The following BRIP1 variants were observed in gnomAD, a reference collection of about 807,000 sequenced individuals.
BRIP1 encodes Fanconi anemia group J protein.
Under a neutral mutation model 119.7 loss-of-function variants are expected in BRIP1, and 88 were observed. The observed-to-expected ratio is 0.74, with a 90% confidence interval of 0.62 to 0.88. BRIP1 has a LOEUF of 0.88. BRIP1 is among the 40% of genes least tolerant of loss of function. BRIP1 has a pLI of 0.00. For missense variants in BRIP1, 1,259 were observed against 1,455.4 expected, an observed-to-expected ratio of 0.87 and a Z score of 2.20; for synonymous variants, 443 against 496.5, an observed-to-expected ratio of 0.89 and a Z score of 1.43.
chr17:61,836,616 T>C (rs2078578575), intron 6 of BRIP1, among the ~76,000 whole-genome samples: 1 of 152,138 alleles, frequency 6.6e-6, no homozygotes. Flanking sequence ...CTGTGCCAGA[T>C]GCTGGTTATA....
chr17:61,741,642 CAT>C (rs1431487860), intron 16 of BRIP1, among the ~76,000 whole-genome samples: 1 of 152,160 alleles, frequency 6.6e-6, no homozygotes, highest in Non-Finnish European at 1.5e-5. Flanking sequence ...TGAGTGACCA[CAT>C]GTGTGGTTAA....
At position 61,710,915 on chromosome 17, in the gene BRIP1, C is replaced by T. The variant is rs1286235122; in HGVS notation, c.2492+5036G>A. Among the ~76,000 whole-genome samples, 1 of 151,640 alleles carries T rather than the reference C, an allele frequency of 6.6e-6. No homozygotes were observed. The highest frequency in any genetic ancestry group is 2.4e-5 in the African/African-American group (1 of 41,258). On this transcript the variant is annotated intron_variant, in intron 17 of 19. Transcript: ENST00000259008. The surrounding 1 kb of genome is among the most constrained non-coding windows in gnomAD (Gnocchi z 5.4). The stretch of plus-strand genomic sequence containing the variant: ...AATTAGCTGGGCATGGTAGTGCGTG[C>T]CTGTAATCTCAGCTACTCAAGAGGT...
rs1354204160 is a variant in BRIP1, at chr17:61,690,332, T to C, written c.2575+3098A>G. On this transcript the variant is annotated intron_variant, in intron 18 of 19. Transcript: ENST00000259008. The surrounding 1 kb of genome is among the most constrained non-coding windows in gnomAD (Gnocchi z 5.6). ...GATACATAAATAATGTTTAATTCTA[T>C]ACAGAAGTTAAAAGACAAAGTATGA... Among the ~76,000 whole-genome samples, 18 of 152,184 alleles carry C rather than the reference T, an allele frequency of 1.2e-4. No individual in the cohort carries two copies. Among genetic ancestry groups the C allele is most frequent in the Non-Finnish European group, 5.9e-5 (4 of 68,036 alleles).
chr17:61,738,614 T>C lies in BRIP1; in HGVS notation c.2379+4399A>G, dbSNP rs2076948961. Among the ~76,000 whole-genome samples, 1 of 152,124 alleles carries C rather than the reference T, an allele frequency of 6.6e-6. No homozygotes were observed. Among genetic ancestry groups the C allele is most frequent in the Admixed American group, 6.6e-5 (1 of 15,256 alleles). On this transcript the variant is annotated intron_variant, in intron 16 of 19. Coordinates refer to ENST00000259008, the MANE Select transcript of BRIP1 (RefSeq NM_032043.3). This position sits in a 1 kb window ranked among gnomAD's most constrained non-coding sequence, Gnocchi z 4.2. Reference sequence around the variant, plus strand: ...GATATTGTCTAGGAAGAATTTATCCTGAGGAAAAAAAGCATTAAGAACCCC... The same window carrying C: ...GATATTGTCTAGGAAGAATTTATCCCGAGGAAAAAAAGCATTAAGAACCCC...
intron 13 of BRIP1, among the ~76,000 whole-genome samples, chr17:61,779,007 A>G (rs1365758029): frequency 6.6e-6 from 1 of 152,224 alleles, no homozygotes; most frequent in Non-Finnish European, 1.5e-5. Context: ...GTGCCTAACC[A>G]CTTTAAAATA....
At position 61,744,970 on chromosome 17, in the gene BRIP1, A is replaced by G. The variant is rs1193973430; in HGVS notation, c.2098-379T>C. On this transcript the variant is annotated intron_variant, in intron 14 of 19. Coordinates refer to ENST00000259008, the MANE Select transcript of BRIP1 (RefSeq NM_032043.3). The surrounding 1 kb of genome is among the most constrained non-coding windows in gnomAD (Gnocchi z 5.0). ...CTTGGCAATTTCAAAAGCAAAAGCA[A>G]AAAACAAAAAACCTCTGTCAAAGTT... 2.0e-5 allele frequency among the ~76,000 whole-genome samples: 3 copies of G among 152,066 alleles called. No homozygotes were observed. The highest frequency in any genetic ancestry group is 7.2e-5 in the African/African-American group (3 of 41,442).
At chr17:61,783,787 C>G (rs2077659768) in intron 11 of BRIP1, 1 of 151,838 alleles carries the variant, frequency 6.6e-6, no homozygotes, top group African/African-American at 2.4e-5. Flanking sequence ...ATATAAAAGA[C>G]TAATTTTGGC....
At chr17:61,714,452 T>C (rs55908410) in intron 17 of BRIP1, among the ~76,000 whole-genome samples, 5,924 of 152,262 alleles carry the variant, frequency 0.039, 137 homozygotes, top group Middle Eastern at 0.082. Context: ...TGTGTTACAA[T>C]TGTCTATAGT....
In BRIP1 at chr17:61,758,107, C is replaced by T. The variant is rs1201977806; in HGVS notation, c.2098-13516G>A. On this transcript the variant is annotated intron_variant, in intron 14 of 19. Coordinates refer to ENST00000259008, the MANE Select transcript of BRIP1 (RefSeq NM_032043.3). The surrounding 1 kb of genome is among the most constrained non-coding windows in gnomAD (Gnocchi z 5.3). ...AAATTCTGAATTACTGTTGTTTCAT[C>T]AACAGTTAATTCATCAATGTCTAAA... Among the ~76,000 whole-genome samples, 1 of 152,100 alleles carries T rather than the reference C, an allele frequency of 6.6e-6. No individual in the cohort carries two copies. The highest frequency in any genetic ancestry group is 1.5e-5 in the Non-Finnish European group (1 of 68,008).
chr17:61,771,224 T>C (rs893082502), intron 14 of BRIP1, among the ~76,000 whole-genome samples: 1 of 152,132 alleles, frequency 6.6e-6, no homozygotes, highest in Non-Finnish European at 1.5e-5. Context: ...GGCAAATCTA[T>C]AGAAATAGCA....
rs1567812766 is a variant in BRIP1 at position 61,780,418 on chromosome 17, T to A, written c.1795-17A>T. On this transcript the variant is annotated splice_polypyrimidine_tract_variant and intron_variant, in intron 12 of 19. Coordinates refer to ENST00000259008, the MANE Select transcript of BRIP1 (RefSeq NM_032043.3). The surrounding 1 kb of genome is among the most constrained non-coding windows in gnomAD (Gnocchi z 5.4). ...TGAAAAGGCCTAAAAGAAAACAACA[T>A]TAGATAAATAAAATTATCTTTAGAA... is the stretch of plus-strand genomic sequence containing the variant. 1 of 1,598,506 alleles carries A rather than the reference T, an allele frequency of 6.3e-7. No individual in the cohort carries two copies.
intron 17 of BRIP1, among the ~76,000 whole-genome samples, chr17:61,696,492 T>C (rs1221493324): frequency 6.6e-6 from 1 of 152,126 alleles, no homozygotes; most frequent in Non-Finnish European, 1.5e-5. Flanking sequence ...AATATTTCTC[T>C]CCCATTTTTT....
chr17:61,841,469 G>A lies in BRIP1; in HGVS notation c.627+5632C>T, dbSNP rs1016248860. ...AAATGCTGAACATCACTAATCATCA[G>A]GGAAATATAAATCAAAAGCACAATA... On this transcript the variant is annotated intron_variant, in intron 6 of 19. Coordinates refer to ENST00000259008, the MANE Select transcript of BRIP1 (RefSeq NM_032043.3). This position sits in a 1 kb window ranked among gnomAD's most constrained non-coding sequence, Gnocchi z 4.1. Among the ~76,000 whole-genome samples the A allele has an allele frequency of 2.2e-4, 34 of 152,022 alleles. No individual in the cohort carries two copies. The highest frequency in any genetic ancestry group is 7.7e-4 in the African/African-American group (32 of 41,458).
In BRIP1 at chr17:61,753,135, C is replaced by T. The variant is rs2077154320; in HGVS notation, c.2098-8544G>A. On this transcript the variant is annotated intron_variant, in intron 14 of 19. Coordinates refer to ENST00000259008, the MANE Select transcript of BRIP1 (RefSeq NM_032043.3). The surrounding 1 kb of genome is among the most constrained non-coding windows in gnomAD (Gnocchi z 4.6). The stretch of plus-strand genomic sequence containing the variant: ...AGAGACTCGAGCTTGTATACTCAGC[C>T]TCCTTGCCCTGTGATACTCTGAGCC... Among the ~76,000 whole-genome samples the T allele has an allele frequency of 6.6e-6, 1 of 152,102 alleles. No homozygotes were observed. Among genetic ancestry groups the T allele is most frequent in the Non-Finnish European group, 1.5e-5 (1 of 68,020 alleles).
intron 19 of BRIP1, chr17:61,685,008 G>C (rs1385288836): frequency 6.6e-6 from 1 of 152,134 alleles, no homozygotes; most frequent in Non-Finnish European, 1.5e-5. Context: ...ACCCGCCTTG[G>C]ATATATGAAT....
chr17:61,715,062 T>C (rs1454996386), intron 17 of BRIP1, among the ~76,000 whole-genome samples: 2 of 151,600 alleles, frequency 1.3e-5, no homozygotes, highest in Admixed American at 1.3e-4. Context: ...TAGCTGGGCA[T>C]GGTGGCGCAC....
At chr17:61,715,572 T>C (rs2061847052) in intron 17 of BRIP1, among the ~76,000 whole-genome samples, 1 of 152,126 alleles carries the variant, frequency 6.6e-6, no homozygotes, top group Non-Finnish European at 1.5e-5. Context: ...TTCCCTGACA[T>C]TTTGGGGGAG....
chr17:61,850,630 C>A (rs1417244669), intron 4 of BRIP1, among the ~76,000 whole-genome samples: 1 of 151,426 alleles, frequency 6.6e-6, no homozygotes, highest in Non-Finnish European at 1.5e-5. Context: ...GAGTTCAAGA[C>A]CTGCCTGGGC....
rs2061379004 is a variant in BRIP1 at position 61,687,458 on chromosome 17, G to GA, written c.2576-1294dup. Among the ~76,000 whole-genome samples, 1 of 151,954 alleles carries GA rather than the reference G, an allele frequency of 6.6e-6. No individual in the cohort carries two copies. Among genetic ancestry groups the GA allele is most frequent in the African/African-American group, 2.4e-5 (1 of 41,366 alleles). On this transcript the variant is annotated intron_variant, in intron 18 of 19. Coordinates refer to ENST00000259008, the MANE Select transcript of BRIP1 (RefSeq NM_032043.3). The surrounding 1 kb of genome is among the most constrained non-coding windows in gnomAD (Gnocchi z 5.1). ...CCTATGCTACTGCACACTTTACGTGGAAAGGGAAGATAAAACAAATAAAGC... is the reference window on the plus strand; with the variant it reads ...CCTATGCTACTGCACACTTTACGTGGAAAAGGGAAGATAAAACAAATAAAGC...
Sources: gnomAD v4.1 joint callset for allele counts (sites outside exome capture counted in the v4.1 genomes callset) on GRCh38, gnomAD v4.1.1 for gene constraint, Gnocchi (gnomAD v3.1) non-coding constraint, MANE v1.5 for transcripts, NCBI Gene and HGNC (gene_info 2026-07-23, HGNC 2026-07-21) for gene names.